RSPH3: variants seen among roughly 807,000 people sequenced by gnomAD.
RSPH3 encodes the protein radial spoke head 3.
Under a neutral mutation model 43.8 loss-of-function variants are expected in RSPH3, and 21 were observed. The ratio of observed to expected loss-of-function variants is 0.48; its 90% confidence interval spans 0.34 to 0.69. The LOEUF (loss-of-function observed/expected upper bound fraction) is 0.69. Among genes scored for constraint, RSPH3 ranks in the 30% least tolerant of loss-of-function variants. The pLI is 0.01. For synonymous variants in RSPH3, 173 were observed against 179.8 expected (o/e 0.96, Z 0.30); for missense variants, 487 against 516.0 (o/e 0.94, Z 0.54).
chr6:158,970,847 G>A (rs960319619), downstream of RSPH3, among the ~76,000 whole-genome samples: 1 of 152,182 alleles, frequency 6.6e-6, no homozygotes, highest in Non-Finnish European at 1.5e-5. Context: ...AACGTGCCCA[G>A]CCAAATGTCA....
intron 2 of RSPH3, among the ~76,000 whole-genome samples, chr6:158,988,609 A>G (rs944369200): frequency 1.2e-4 from 18 of 151,910 alleles, no homozygotes; most frequent in Middle Eastern, 3.2e-3. Flanking sequence ...TGTATTTTCA[A>G]ATAGTCTGTC....
At chr6:158,982,447 A>G in intron 5 of RSPH3, 38 bp downstream of exon 5, 1 of 1,409,384 alleles carries the variant, frequency 7.1e-7, no homozygotes, top group Non-Finnish European at 9.7e-7. Flanking sequence ...CTAACTAGCC[A>G]AAAGACTGCC....
chr6:158,997,347 C>T (rs1211752744), intron 1 of RSPH3, among the ~76,000 whole-genome samples: 1 of 149,102 alleles, frequency 6.7e-6, no homozygotes, highest in Non-Finnish European at 1.5e-5. Context: ...TCTTGGCTCA[C>T]TGCAACCTCC....
chr6:158,971,385 C>T (rs1777692600), downstream of RSPH3, among the ~76,000 whole-genome samples: 1 of 152,178 alleles, frequency 6.6e-6, no homozygotes, highest in Non-Finnish European at 1.5e-5. Flanking sequence ...ATTCACATTG[C>T]TTTTATGGAG....
intron 1 of RSPH3, among the ~76,000 whole-genome samples, chr6:158,997,905 A>C (rs1187479863): frequency 2.9e-4 from 42 of 147,346 alleles, no homozygotes; most frequent in Admixed American, 2.4e-3. Flanking sequence ...ATTTGTTAGA[A>C]CAAGATAATT....
chr6:158,986,566 T>C, intron 2 of RSPH3, 145 bp from the exon 3 acceptor site: 1 of 657,378 alleles, frequency 1.5e-6, no homozygotes, highest in Admixed American at 3.2e-5. Context: ...TAAAATTGTA[T>C]TGGTACTTTG....
chr6:158,982,789 G>A (rs1004228409), intron 4 of RSPH3, 101 bp from the exon 5 acceptor site: 5 of 758,544 alleles, frequency 6.6e-6, no homozygotes, highest in Non-Finnish European at 1.1e-5. Context: ...TTTATTAAGT[G>A]TCTCCTGTGT....
downstream of RSPH3, among the ~76,000 whole-genome samples, chr6:158,970,890 T>G (rs934957670): frequency 9.2e-5 from 14 of 152,124 alleles, no homozygotes; most frequent in Admixed American, 4.6e-4. Context: ...ACCACTGCAC[T>G]CTCAAGACTT....
In RSPH3 at chr6:158,979,359, T is replaced by G. The variant is rs1777952762; in HGVS notation, c.860-1013A>C. Among the ~76,000 whole-genome samples, 3 of 152,140 alleles carry G rather than the reference T, an allele frequency of 2.0e-5. No homozygotes were observed. The South Asian group carries it at 6.2e-4, about 32-fold the overall frequency. On this transcript the variant is annotated intron_variant, in intron 6 of 7. Coordinates refer to ENST00000367069, the MANE Select transcript of RSPH3 (RefSeq NM_031924.8). ...TTAAATGATCTATAACTTACTTTTT[T>G]GGTAATCTGTGATAGAAAAAAGGCT...
the RSPH3 span, among the ~76,000 whole-genome samples, chr6:158,963,969 C>T: frequency 6.6e-6 from 1 of 152,128 alleles, no homozygotes; most frequent in Admixed American, 6.6e-5. Context: ...AAGTGATATA[C>T]TAGAAAGTAA....
In RSPH3 at chr6:158,983,749, T is replaced by C. The variant is rs1778117522; in HGVS notation, c.405A>G (p.Thr135=). ...TTGGTGGTCTGTCCAAAAATGCATC[T>C]GTTTGGCATTCCATATCAACTTCTA... is the stretch of plus-strand genomic sequence containing the variant. ...RIIEVDMECQ[T]DAFLDRPPTP... Residue 135 remains threonine, a synonymous_variant, in exon 4 of 8, where the codon ACA becomes ACG. Transcript: ENST00000367069. The C allele has an allele frequency of 1.9e-6, 3 of 1,608,966 alleles. No homozygotes were observed. Among genetic ancestry groups the C allele is most frequent in the Non-Finnish European group, 2.6e-6 (3 of 1,175,312 alleles).
chr6:158,966,936 T>C, the RSPH3 span, among the ~76,000 whole-genome samples: 1 of 152,156 alleles, frequency 6.6e-6, no homozygotes, highest in Admixed American at 6.5e-5. Flanking sequence ...TTTCTTCTGT[T>C]TTAAATATAG....
At position 158,977,824 on chromosome 6, in the gene RSPH3, T is replaced by C; in HGVS notation, c.971A>G (p.Lys324Arg). The C allele has an allele frequency of 6.2e-7, 1 of 1,611,980 alleles. No individual in the cohort carries two copies. Among genetic ancestry groups the C allele is most frequent in the Non-Finnish European group, 8.5e-7 (1 of 1,179,354 alleles). ...LDMLIREVVE[K>R]RLCMYEHGED... is the part of the protein sequence containing the mutation. ...CCCATGCTCATACATACACAGCCTC[T>C]TTTCAACCACCTCACGGATCAACAC... Residue 324 changes from lysine (K) to arginine (R), a missense_variant, in exon 8 of 8, where the codon AAG becomes AGG. Physicochemically the swap from Lys to Arg is conservative, Grantham distance 26. Transcript: ENST00000367069.
intron 5 of RSPH3, among the ~76,000 whole-genome samples, chr6:158,981,269 CT>C (rs1778023648): frequency 6.6e-6 from 1 of 152,084 alleles, no homozygotes; most frequent in Non-Finnish European, 1.5e-5. Flanking sequence ...TGAAATATTA[CT>C]GGTAAGAAAA....
downstream of RSPH3, among the ~76,000 whole-genome samples, chr6:158,970,904 AT>A (rs924940339): frequency 6.6e-6 from 1 of 151,106 alleles, no homozygotes; most frequent in Non-Finnish European, 1.5e-5. Flanking sequence ...AAGACTTTCA[AT>A]TTTTTTTTGC....
chr6:158,967,213 C>T, the RSPH3 span, among the ~76,000 whole-genome samples: 1 of 151,898 alleles, frequency 6.6e-6, no homozygotes, highest in Non-Finnish European at 1.5e-5. Context: ...AGGGTTTTGC[C>T]AGGTTGCCCA....
rs1249124188 is a variant in RSPH3, at chr6:158,977,763, C to G, written c.1032G>C (p.Glu344Asp). The change falls in exon 8 of 8, where the codon GAG becomes GAC. Residue 344 changes from glutamate to aspartate, a missense_variant. Physicochemically the swap from Glu to Asp is conservative, Grantham distance 45. Transcript: ENST00000367069. Reference protein sequence around the residue: ...DTHQSPEPEDEPGGPGAMTES... With the variant: ...DTHQSPEPEDDPGGPGAMTES... ...CTGTCATTGCTCCAGGACCACCAGG[C>G]TCATCCTCGGGTTCTGGAGACTGAT... The G allele has an allele frequency of 6.2e-7, 1 of 1,614,126 alleles. No homozygotes were observed. Among genetic ancestry groups the G allele is most frequent in the South Asian group, 1.1e-5 (1 of 91,084 alleles).
intron 3 of RSPH3, among the ~76,000 whole-genome samples, chr6:158,985,174 A>G (rs1421689257): frequency 6.6e-6 from 1 of 152,212 alleles, no homozygotes; most frequent in Non-Finnish European, 1.5e-5. Flanking sequence ...CAAGTACGCA[A>G]ATCCTGGCAC....
intron 5 of RSPH3, among the ~76,000 whole-genome samples, 158 bp from the exon 6 acceptor site, chr6:158,981,094 A>G (rs954418832): frequency 2.6e-5 from 4 of 152,210 alleles, no homozygotes; most frequent in Non-Finnish European, 4.4e-5. Flanking sequence ...AATTTAATGA[A>G]TTTCAACAGC....
Sources: gnomAD v4.1 joint callset for allele counts (sites outside exome capture counted in the v4.1 genomes callset) on GRCh38, gnomAD v4.1.1 for gene constraint, MANE v1.5 for transcripts, NCBI Gene and HGNC (gene_info 2026-07-23, HGNC 2026-07-21) for gene names.